Variants in GSAP observed in about 807,000 individuals in gnomAD.
The protein encoded by GSAP is gamma-secretase activating protein.
A neutral mutation model predicts 131.7 loss-of-function variants in GSAP; 118 were observed. The ratio of observed to expected loss-of-function variants is 0.90; its 90% CI spans 0.77 to 1.04. The LOEUF (loss-of-function observed/expected upper bound fraction) is 1.04. Among genes scored for constraint, GSAP ranks in the 50% least tolerant of loss-of-function variants. The pLI, the probability that GSAP is intolerant of heterozygous loss-of-function variation, is 0.00. For synonymous variants in GSAP, 381 were observed against 363.4 expected (o/e 1.05, Z -0.55); for missense variants, 1,019 against 1,013.2 (o/e 1.01, Z -0.08).
chr7:77,331,778 G>A (rs982347413), intron 19 of GSAP: 1 of 150,900 alleles, frequency 6.6e-6, no homozygotes, highest in Non-Finnish European at 1.5e-5. Flanking sequence ...GGGAAAACAG[G>A]AATCAAATCC....
At chr7:77,359,530 C>A (rs147182629) in intron 14 of GSAP, among the ~76,000 whole-genome samples, 2 of 151,934 alleles carry the variant, frequency 1.3e-5, no homozygotes, top group African/African-American at 4.8e-5. Context: ...GGAAATTGCA[C>A]GTAATAGCAA....
intron 26 of GSAP, among the ~76,000 whole-genome samples, chr7:77,316,539 C>G (rs941203780): frequency 6.6e-6 from 1 of 152,194 alleles, no homozygotes; most frequent in Non-Finnish European, 1.5e-5. Context: ...AGTTAATTAA[C>G]AACAACGTTT....
intron 19 of GSAP, among the ~76,000 whole-genome samples, chr7:77,333,998 AG>A (rs1427133888): frequency 6.6e-6 from 1 of 152,204 alleles, no homozygotes; most frequent in African/African-American, 2.4e-5. Flanking sequence ...ACCATTGTGG[AG>A]GACACTATGG....
intron 26 of GSAP, among the ~76,000 whole-genome samples, chr7:77,319,754 T>C (rs1172143229): frequency 7.6e-6 from 1 of 131,878 alleles, no homozygotes; most frequent in Non-Finnish European, 1.6e-5. Context: ...AAACTTCAGG[T>C]CATTACACTA....
intron 12 of GSAP, among the ~76,000 whole-genome samples, chr7:77,368,881 T>G (rs1795714205): frequency 6.6e-6 from 1 of 152,246 alleles, no homozygotes; most frequent in African/African-American, 2.4e-5. Flanking sequence ...ACAGTCTTGC[T>G]GCTATTTACA....
At chr7:77,381,620 C>T (rs373316191) in intron 7 of GSAP, among the ~76,000 whole-genome samples, 1 of 152,074 alleles carries the variant, frequency 6.6e-6, no homozygotes, top group Non-Finnish European at 1.5e-5. Context: ...AGTATTTAGC[C>T]CTCCTGCTTC....
intron 5 of GSAP, among the ~76,000 whole-genome samples, chr7:77,395,434 C>T (rs1216393595): frequency 2.0e-5 from 3 of 152,124 alleles, no homozygotes; most frequent in Admixed American, 2.0e-4. Context: ...ACACTAATGT[C>T]CCAGATCGTA....
intron 27 of GSAP, among the ~76,000 whole-genome samples, chr7:77,314,034 A>G (rs1233298688): frequency 6.6e-6 from 1 of 152,166 alleles, no homozygotes; most frequent in Non-Finnish European, 1.5e-5. Context: ...CTTGCACAGA[A>G]AAGGAATCTA....
chr7:77,327,764 A>G (rs1380429024), intron 22 of GSAP, among the ~76,000 whole-genome samples: 1 of 152,048 alleles, frequency 6.6e-6, no homozygotes, highest in African/African-American at 2.4e-5. Flanking sequence ...CCCTTTGTTT[A>G]TCAAGACTTA....
At chr7:77,395,939 G>A (rs754454317) in intron 5 of GSAP, among the ~76,000 whole-genome samples, 1 of 152,232 alleles carries the variant, frequency 6.6e-6, no homozygotes, top group Non-Finnish European at 1.5e-5. Flanking sequence ...TAGGCCAGAA[G>A]TTGACAAATG....
chr7:77,412,528 T>A (rs1317552201), intron 1 of GSAP, among the ~76,000 whole-genome samples: 1 of 151,910 alleles, frequency 6.6e-6, no homozygotes, highest in African/African-American at 2.4e-5. Flanking sequence ...AATTAAGAAC[T>A]CCTGTTTATC....
At chr7:77,381,051 C>T (rs1014669325) in intron 8 of GSAP, among the ~76,000 whole-genome samples, 1 of 152,138 alleles carries the variant, frequency 6.6e-6, no homozygotes, top group Admixed American at 6.5e-5. Flanking sequence ...AAGGTAAAAG[C>T]TGTGGAAAGA....
At chr7:77,374,265 C>T (rs1796529748) in intron 11 of GSAP, 110 bp from the exon 12 acceptor site, 1 of 570,122 alleles carries the variant, frequency 1.8e-6, no homozygotes, top group Non-Finnish European at 3.1e-6. Context: ...AAACACATTC[C>T]TGAGAAATTT....
intron 24 of GSAP, 120 bp downstream of exon 24, chr7:77,323,527 G>T: frequency 1.8e-6 from 1 of 541,724 alleles, no homozygotes; most frequent in Non-Finnish European, 3.3e-6. Flanking sequence ...ATTTAAGAAC[G>T]GGAGATCTCC....
chr7:77,368,548 G>A lies in GSAP; in HGVS notation c.871+5522C>T, dbSNP rs532991155. 1.3e-4 allele frequency among the ~76,000 whole-genome samples: 20 copies of A among 152,268 alleles called. No homozygotes were observed. The South Asian group carries it at 1.7e-3, about 13-fold the overall frequency. ...AGAAGAATTAAGTCAGAATCTCTGG[G>A]GGGTGAGACTCAGGCATTTGTATTT... On this transcript the variant is annotated intron_variant, in intron 12 of 30. Transcript: ENST00000257626.
intron 14 of GSAP, 136 bp downstream of exon 14, chr7:77,360,688 T>C (rs1194712857): frequency 3.5e-6 from 2 of 572,286 alleles, no homozygotes; most frequent in Non-Finnish European, 6.5e-6. Flanking sequence ...CTCATCAGAT[T>C]TCAAGTGGGT....
At chr7:77,397,204 T>G in intron 4 of GSAP, 142 bp downstream of exon 4, 1 of 703,328 alleles carries the variant, frequency 1.4e-6, no homozygotes, top group Non-Finnish European at 2.4e-6. Flanking sequence ...CATTCTTTAT[T>G]TCAAACTTAA....
At chr7:77,362,726 C>A in intron 12 of GSAP, 66 bp from the exon 13 acceptor site, 3 of 894,148 alleles carry the variant, frequency 3.4e-6, no homozygotes, top group Admixed American at 1.8e-5. Context: ...TTTCCTAAAC[C>A]ACTTAAACTT....
chr7:77,416,150 C>T, intron 1 of GSAP, 63 bp downstream of exon 1: 1 of 987,802 alleles, frequency 1.0e-6, no homozygotes, highest in Non-Finnish European at 1.4e-6. Context: ...GGGTCGGAGT[C>T]CGGGGGGTAT....
Sources: gnomAD v4.1 joint callset for allele counts (sites outside exome capture counted in the v4.1 genomes callset) on GRCh38, gnomAD v4.1.1 for gene constraint, MANE v1.5 for transcripts, NCBI Gene and HGNC (gene_info 2026-07-23, HGNC 2026-07-21) for gene names.